Variants in CUL2 observed in about 807,000 individuals in gnomAD.
CUL2 encodes cullin-2.
A neutral mutation model predicts 110.2 loss-of-function variants in CUL2; 22 were observed. That is an observed-to-expected ratio of 0.20 (90% CI 0.14 to 0.28). CUL2 has a LOEUF of 0.28. CUL2 is among the 10% of genes least tolerant of loss of function. CUL2 has a pLI of 1.00. For missense variants in CUL2, 631 were observed against 905.5 expected (o/e 0.70, Z 3.89); for synonymous variants, 279 against 293.2 (o/e 0.95, Z 0.49).
At chr10:35,047,290 T>C (rs2085967645) in intron 6 of CUL2, among the ~76,000 whole-genome samples, 1 of 152,046 alleles carries the variant, frequency 6.6e-6, no homozygotes, top group South Asian at 2.1e-4. Context: ...AGTGAACACA[T>C]TAGATTACAA....
At chr10:35,087,205 C>T (rs1261462817) in intron 1 of CUL2, among the ~76,000 whole-genome samples, 4 of 152,208 alleles carry the variant, frequency 2.6e-5, no homozygotes, top group Non-Finnish European at 4.4e-5. Flanking sequence ...GCGTGCGCCA[C>T]CACGCCTGGC....
In CUL2 at chr10:35,049,685, T is replaced by C. The variant is rs531758576; in HGVS notation, c.504A>G (p.Lys168=). 6 of 1,612,222 alleles carry C rather than the reference T, an allele frequency of 3.7e-6. No homozygotes were observed. The highest frequency in any genetic ancestry group is 2.2e-5 in the East Asian group (1 of 44,866). ...GTAAGATAAATGTCAGCACTCACTTTTTGATTTCTCGGAGCAGCATTCGGA... is the reference window on the plus strand; with the variant it reads ...GTAAGATAAATGTCAGCACTCACTTCTTGATTTCTCGGAGCAGCATTCGGA... The part of the protein sequence containing the change: ...ILIRMLLREI[K]NDRGGEDPNQ... Residue 168 remains lysine, a splice_region_variant and synonymous_variant, in exon 6 of 21, where the codon AAA becomes AAG. Coordinates refer to ENST00000374749, the MANE Select transcript of CUL2 (RefSeq NM_003591.4).
At chr10:35,033,664 G>C (rs1310104340) in intron 10 of CUL2, among the ~76,000 whole-genome samples, 1 of 151,968 alleles carries the variant, frequency 6.6e-6, no homozygotes, top group Non-Finnish European at 1.5e-5. Context: ...TGGAACCAGG[G>C]AGGTGGAGGT....
intron 9 of CUL2, among the ~76,000 whole-genome samples, chr10:35,036,762 C>T (rs1450304139): frequency 3.3e-5 from 5 of 152,094 alleles, no homozygotes; most frequent in Non-Finnish European, 7.4e-5. Flanking sequence ...GAGACAGGGT[C>T]TTACTCTGTC....
intron 20 of CUL2, among the ~76,000 whole-genome samples, chr10:35,011,291 G>A (rs1273728181): frequency 6.7e-6 from 1 of 149,362 alleles, no homozygotes; most frequent in Non-Finnish European, 1.5e-5. Flanking sequence ...GGACTCAAGT[G>A]ATCCTCCTGT....
intron 6 of CUL2, among the ~76,000 whole-genome samples, chr10:35,045,681 C>T (rs1221301889): frequency 1.3e-5 from 2 of 151,998 alleles, no homozygotes; most frequent in Non-Finnish European, 2.9e-5. Flanking sequence ...TGCACCACTG[C>T]ACTCCAGCCT....
intron 18 of CUL2, 45 bp from the exon 19 acceptor site, chr10:35,013,845 TTTAAATA>T: frequency 7.9e-7 from 1 of 1,263,672 alleles, no homozygotes; most frequent in Non-Finnish European, 1.0e-6. Context: ...AACCAAAATC[TTTAAATA>T]AGAGTTTGCT....
intron 1 of CUL2, among the ~76,000 whole-genome samples, chr10:35,107,003 T>G (rs996501650): frequency 3.3e-5 from 5 of 152,018 alleles, no homozygotes; most frequent in African/African-American, 1.2e-4. Flanking sequence ...GAGGCAGAGT[T>G]TCACTCTGTC....
At chr10:35,117,230 G>A (rs190757147) in intron 1 of CUL2, among the ~76,000 whole-genome samples, 3 of 152,230 alleles carry the variant, frequency 2.0e-5, no homozygotes, top group African/African-American at 2.4e-5. Context: ...GAAGAATTGC[G>A]GAATTCACGA....
intron 1 of CUL2, among the ~76,000 whole-genome samples, chr10:35,075,502 T>C (rs1317996012): frequency 6.6e-6 from 1 of 152,082 alleles, no homozygotes; most frequent in East Asian, 1.9e-4. Flanking sequence ...TTGTGTCCCA[T>C]CAAGTTAACT....
intron 8 of CUL2, among the ~76,000 whole-genome samples, chr10:35,041,467 A>C (rs2085786234): frequency 6.6e-6 from 1 of 152,182 alleles, no homozygotes; most frequent in Non-Finnish European, 1.5e-5. Flanking sequence ...AATTAACTAA[A>C]TGGAGAGCAA....
intron 2 of CUL2, among the ~76,000 whole-genome samples, chr10:35,065,248 C>CA (rs1321018217): frequency 1.3e-5 from 2 of 152,104 alleles, no homozygotes; most frequent in African/African-American, 4.8e-5. Context: ...CTTTAAAAGA[C>CA]AAAAAATGTT....
chr10:35,089,928 G>C (rs751731343), intron 1 of CUL2: 2 of 152,378 alleles, frequency 1.3e-5, no homozygotes, highest in Non-Finnish European at 2.9e-5. Context: ...GGGGCCGCGG[G>C]AGAGGCGGCC....
At chr10:35,011,143 G>A (rs1226166659) in intron 20 of CUL2, among the ~76,000 whole-genome samples, 7 of 151,684 alleles carry the variant, frequency 4.6e-5, no homozygotes, top group Non-Finnish European at 8.8e-5. Flanking sequence ...CAATCCTCCC[G>A]CCTCAGCCTC....
intron 1 of CUL2, chr10:35,074,375 A>G (rs1231732981): frequency 1.5e-6 from 1 of 661,262 alleles, no homozygotes; most frequent in African/African-American, 1.8e-5. Flanking sequence ...CACTGAACAC[A>G]TCAGCCTGAT....
At chr10:35,072,645 G>C (rs1401707630) in intron 1 of CUL2, among the ~76,000 whole-genome samples, 1 of 152,212 alleles carries the variant, frequency 6.6e-6, no homozygotes, top group African/African-American at 2.4e-5. Context: ...AGGGATTACA[G>C]GCGTGAGCCA....
chr10:35,058,117 T>TA (rs1050852877), intron 4 of CUL2, among the ~76,000 whole-genome samples: 2 of 152,094 alleles, frequency 1.3e-5, no homozygotes, highest in African/African-American at 4.8e-5. Flanking sequence ...ATAAAATTTT[T>TA]AAAAAAAGAA....
At chr10:35,017,300 G>A (rs1236148774) in intron 17 of CUL2, among the ~76,000 whole-genome samples, 2 of 152,112 alleles carry the variant, frequency 1.3e-5, no homozygotes, top group Non-Finnish European at 2.9e-5. Flanking sequence ...TTCTCTTGCT[G>A]AAAGTTGATA....
At chr10:35,077,960 G>T (rs562331374) in intron 1 of CUL2, among the ~76,000 whole-genome samples, 6 of 152,170 alleles carry the variant, frequency 3.9e-5, no homozygotes, top group South Asian at 2.1e-4. Context: ...AAGGGACATG[G>T]GGATTTATTA....
Sources: gnomAD v4.1 joint callset for allele counts (sites outside exome capture counted in the v4.1 genomes callset) on GRCh38, gnomAD v4.1.1 for gene constraint, MANE v1.5 for transcripts, NCBI Gene and HGNC (gene_info 2026-07-23, HGNC 2026-07-21) for gene names.